The following CIDEA variants were observed in gnomAD, a reference collection of about 807,000 sequenced individuals.
CIDEA encodes the protein cell death inducing DFFA like effector a, also known as lipid transferase CIDEA.
In CIDEA, 10 loss-of-function variants were observed where a neutral mutation model predicts 18.2. The observed-to-expected ratio is 0.55, with a 90% CI of 0.34 to 0.93. The LOEUF (loss-of-function observed/expected upper bound fraction) is 0.93. CIDEA is among the 40% of genes least tolerant of loss of function. CIDEA has a pLI of 0.02. For synonymous variants in CIDEA, 128 were observed against 124.8 expected (o/e 1.03, Z -0.17); for missense variants, 309 against 293.1 (o/e 1.05, Z -0.40).
At chr18:12,260,838 A>G (rs898769481) in intron 1 of CIDEA, among the ~76,000 whole-genome samples, 1 of 152,126 alleles carries the variant, frequency 6.6e-6, no homozygotes, top group Non-Finnish European at 1.5e-5. Flanking sequence ...CTGAAACTAC[A>G]CCCTTTGTTT....
At chr18:12,262,251 T>C (rs1303538932) in intron 1 of CIDEA, among the ~76,000 whole-genome samples, 2 of 151,270 alleles carry the variant, frequency 1.3e-5, no homozygotes, top group Non-Finnish European at 2.9e-5. Context: ...ATGTAAGCCC[T>C]GAAGGTCTTT....
rs142923002 is a variant in CIDEA at position 12,274,133 on chromosome 18, C to T, written c.371C>T (p.Ser124Leu). ...CCCACTTGCTCGCCGCCGAAGAGGT[C>T]GGGAATAGCGAGAGTCACCTTCGAC... is the stretch of plus-strand genomic sequence containing the variant. The part of the protein sequence containing the change: ...HVPTCSPPKR[S>L]GIARVTFDLY... The change falls in exon 4 of 5, where the codon TCG becomes TTG. Residue 124 changes from serine (S) to leucine (L), a missense_variant. By Grantham distance (145) the Ser-to-Leu change is moderately radical. Transcript: ENST00000320477. 1.4e-5 allele frequency: 22 copies of T among 1,614,058 alleles called. No individual in the cohort carries two copies. Among genetic ancestry groups the T allele is most frequent in the Middle Eastern group, 1.6e-4 (1 of 6,082 alleles).
Position 12,264,334 on chromosome 18 carries a change from G to C in CIDEA, c.211G>C (p.Gly71Arg). Residue 71 changes from glycine (G) to arginine (R), a missense_variant, in exon 3 of 5, where the codon GGA becomes CGA. By Grantham distance (125) the Gly-to-Arg change is moderately radical. Transcript: ENST00000320477. Reference protein sequence around the residue: ...KTLDALVIATGLVTLVLEEDG... With the variant: ...KTLDALVIATRLVTLVLEEDG... ...TCTGGATGCCCTCGTCATCGCTACC[G>C]GACTGGTCACTCTGGTGCTGGAGGA... 1 of 1,613,504 alleles carries C rather than the reference G, an allele frequency of 6.2e-7. No individual in the cohort carries two copies. The highest frequency in any genetic ancestry group is 8.5e-7 in the Non-Finnish European group (1 of 1,179,734).
At chr18:12,266,745 G>A (rs1390551242) in intron 3 of CIDEA, among the ~76,000 whole-genome samples, 1 of 150,138 alleles carries the variant, frequency 6.7e-6, no homozygotes, top group Non-Finnish European at 1.5e-5. Context: ...TTTAAAACAA[G>A]ATACAATGCA....
At chr18:12,274,584 G>A (rs1341032835) in intron 4 of CIDEA, among the ~76,000 whole-genome samples, 5 of 152,206 alleles carry the variant, frequency 3.3e-5, no homozygotes, top group Non-Finnish European at 1.5e-5. Flanking sequence ...AGGTGATGAT[G>A]ACTAAAACCA....
At chr18:12,266,454 C>CA (rs1389870336) in intron 3 of CIDEA, among the ~76,000 whole-genome samples, 3 of 151,546 alleles carry the variant, frequency 2.0e-5, no homozygotes. Flanking sequence ...AACCCTGTCT[C>CA]AAAAAATAAA....
At chr18:12,258,307 C>T (rs78214428) in intron 1 of CIDEA, among the ~76,000 whole-genome samples, 3,378 of 152,306 alleles carry the variant, frequency 0.022, 136 homozygotes, top group African/African-American at 0.077. Flanking sequence ...GCCAGGTCAC[C>T]GGAGCACAGG....
At chr18:12,254,803 G>T in intron 1 of CIDEA, 2 of 1,349,992 alleles carry the variant, frequency 1.5e-6, no homozygotes, top group Non-Finnish European at 2.0e-6. Context: ...GGAACCCCGA[G>T]CAAAGCTTCC....
At chr18:12,256,148 T>C (rs1912027518) in intron 1 of CIDEA, among the ~76,000 whole-genome samples, 1 of 152,216 alleles carries the variant, frequency 6.6e-6, no homozygotes, top group Non-Finnish European at 1.5e-5. Flanking sequence ...GAAAACAATC[T>C]GTAATTCTTG....
At chr18:12,267,849 C>T (rs4796956) in intron 3 of CIDEA, among the ~76,000 whole-genome samples, 44,118 of 151,802 alleles carry the variant, frequency 0.29, 8,118 homozygotes, top group East Asian at 0.6. Context: ...GCTGCAGAGA[C>T]TTTGTCCCTT....
At chr18:12,271,875 G>A (rs1912544391) in intron 3 of CIDEA, among the ~76,000 whole-genome samples, 1 of 152,310 alleles carries the variant, frequency 6.6e-6, no homozygotes, top group South Asian at 2.1e-4. Flanking sequence ...GCGCGGCCCC[G>A]CAGCCCCCGC....
At chr18:12,262,082 G>A (rs185818094) in intron 1 of CIDEA, among the ~76,000 whole-genome samples, 10 of 152,086 alleles carry the variant, frequency 6.6e-5, no homozygotes, top group Non-Finnish European at 1.3e-4. Context: ...CAGGAGGATC[G>A]CTTGAGCCCA....
At chr18:12,261,146 G>A (rs1912179416) in intron 1 of CIDEA, among the ~76,000 whole-genome samples, 1 of 152,206 alleles carries the variant, frequency 6.6e-6, no homozygotes, top group South Asian at 2.1e-4. Flanking sequence ...ACTTTGGGAT[G>A]CTGAGGTGGG....
At chr18:12,271,034 G>T (rs2144081898) in intron 3 of CIDEA, among the ~76,000 whole-genome samples, 1 of 151,452 alleles carries the variant, frequency 6.6e-6, no homozygotes, top group Middle Eastern at 3.4e-3. Context: ...GAGTAGCTGG[G>T]ATTACAGGCG....
intron 2 of CIDEA, chr18:12,263,876 G>C (rs1008327234): frequency 6.5e-6 from 1 of 152,864 alleles, no homozygotes; most frequent in African/African-American, 2.4e-5. Flanking sequence ...GGTAATCTTA[G>C]AAATTACAAA....
chr18:12,264,060 T>C (rs756837543), intron 2 of CIDEA, among the ~76,000 whole-genome samples: 2 of 152,112 alleles, frequency 1.3e-5, no homozygotes, highest in Non-Finnish European at 2.9e-5. Context: ...TATGATTGTG[T>C]CTGTGAATAG....
At chr18:12,265,183 G>A (rs866173572) in intron 3 of CIDEA, among the ~76,000 whole-genome samples, 1 of 152,202 alleles carries the variant, frequency 6.6e-6, no homozygotes, top group Non-Finnish European at 1.5e-5. Flanking sequence ...TGAAGCCTTC[G>A]GTCTCTGGGA....
intron 1 of CIDEA, among the ~76,000 whole-genome samples, chr18:12,257,758 C>T (rs1411670920): frequency 1.3e-5 from 2 of 152,208 alleles, no homozygotes; most frequent in Non-Finnish European, 2.9e-5. Context: ...TGTGCCCCCA[C>T]TTTCACAGGA....
chr18:12,270,894 C>CTTTTTTTTTTTTTTTTT (rs771335202), intron 3 of CIDEA, among the ~76,000 whole-genome samples: 31 of 60,004 alleles, frequency 5.2e-4, no homozygotes, highest in East Asian at 1.3e-3. Context: ...TTTTTCTTTT[C>CTTTTTTTTTTTTTTTTT]TTTTTTTTTT....
Sources: gnomAD v4.1 joint callset for allele counts (sites outside exome capture counted in the v4.1 genomes callset) on GRCh38, gnomAD v4.1.1 for gene constraint, MANE v1.5 for transcripts, NCBI Gene and HGNC (gene_info 2026-07-23, HGNC 2026-07-21) for gene names.